The following TOX3 variants were observed in gnomAD, a reference collection of about 807,000 sequenced individuals.
The protein encoded by TOX3 is CAG trinucleotide repeat-containing gene F9 protein.
TOX3 carries 22 observed loss-of-function variants against 64.3 expected under a neutral mutation model. That is an observed-to-expected ratio of 0.34 (90% confidence interval 0.24 to 0.49). The LOEUF is 0.49. Ranked by LOEUF, TOX3 falls within the 20% of genes least tolerant of loss-of-function variation. TOX3 has a pLI of 0.99. For synonymous variants in TOX3, 291 were observed against 273.6 expected (o/e 1.06, Z -0.63); for missense variants, 661 against 714.4 (o/e 0.93, Z 0.85).
intron 1 of TOX3, among the ~76,000 whole-genome samples, chr16:52,503,452 C>T (rs1567339048): frequency 6.6e-6 from 1 of 152,198 alleles, no homozygotes; most frequent in South Asian, 2.1e-4. Context: ...CAATTGCTAT[C>T]AACTTTCTTC....
At chr16:52,513,570 A>C (rs191429928) in intron 1 of TOX3, among the ~76,000 whole-genome samples, 1 of 152,348 alleles carries the variant, frequency 6.6e-6, no homozygotes, top group Admixed American at 6.5e-5. Context: ...ACAATCCTAT[A>C]AGGGCTGAGT....
intron 3 of TOX3, among the ~76,000 whole-genome samples, chr16:52,452,287 T>A (rs1405738574): frequency 6.6e-6 from 1 of 152,184 alleles, no homozygotes; most frequent in East Asian, 1.9e-4. Context: ...GTGACCACAA[T>A]ACAAAAGTAA....
chr16:52,514,424 C>G (rs1962389087), intron 1 of TOX3, among the ~76,000 whole-genome samples: 1 of 152,114 alleles, frequency 6.6e-6, no homozygotes, highest in Non-Finnish European at 1.5e-5. Flanking sequence ...GAGTTTTGAG[C>G]CCAACTGATG....
chr16:52,477,345 G>T (rs972102378), intron 1 of TOX3, among the ~76,000 whole-genome samples: 1 of 152,150 alleles, frequency 6.6e-6, no homozygotes, highest in African/African-American at 2.4e-5. Flanking sequence ...TGTCCACAAA[G>T]GATTTTGTTA....
intron 4 of TOX3, among the ~76,000 whole-genome samples, chr16:52,449,618 A>G (rs1960273104): frequency 6.6e-6 from 1 of 152,280 alleles, no homozygotes; most frequent in South Asian, 2.1e-4. Flanking sequence ...TTGTATCACA[A>G]GAACCAAACA....
At chr16:52,492,295 T>A (rs1961709387) in intron 1 of TOX3, among the ~76,000 whole-genome samples, 1 of 146,670 alleles carries the variant, frequency 6.8e-6, no homozygotes, top group African/African-American at 2.5e-5. Flanking sequence ...GAAAAGATCA[T>A]CTATAAATCT....
intron 1 of TOX3, among the ~76,000 whole-genome samples, chr16:52,472,218 G>T (rs1961069726): frequency 6.6e-6 from 1 of 152,146 alleles, no homozygotes; most frequent in Non-Finnish European, 1.5e-5. Flanking sequence ...TGTACAAGGG[G>T]CTGTGCTAGG....
At chr16:52,451,206 C>T (rs543198171) in intron 3 of TOX3, among the ~76,000 whole-genome samples, 1 of 152,324 alleles carries the variant, frequency 6.6e-6, no homozygotes, top group African/African-American at 2.4e-5. Flanking sequence ...TCAGCGGCAT[C>T]TGGAAGTCAT....
chr16:52,516,101 C>T (rs961049935), intron 1 of TOX3, among the ~76,000 whole-genome samples: 2 of 151,956 alleles, frequency 1.3e-5, no homozygotes, highest in Non-Finnish European at 2.9e-5. Flanking sequence ...TTCATCTGGT[C>T]CAAAGTGTTG....
At chr16:52,486,808 C>T (rs747948782) in intron 1 of TOX3, among the ~76,000 whole-genome samples, 23 of 151,978 alleles carry the variant, frequency 1.5e-4, no homozygotes, top group Admixed American at 5.9e-4. Context: ...TGGTAGTGCG[C>T]GCCTGTAGTC....
chr16:52,452,738 GA>G (rs1173999326), intron 3 of TOX3, among the ~76,000 whole-genome samples: 1 of 151,092 alleles, frequency 6.6e-6, no homozygotes, highest in Non-Finnish European at 1.5e-5. Flanking sequence ...ACTTTAATCA[GA>G]AAAAAAAGGA....
rs1219897578 is a variant in TOX3 at position 52,463,147 on chromosome 16, T to TA, written c.408+786dup. 6.4e-4 allele frequency among the ~76,000 whole-genome samples: 98 copies of TA among 152,078 alleles called. 1 individual carries two copies. Among genetic ancestry groups the TA allele is most frequent in the South Asian group, 4.2e-4 (2 of 4,812 alleles). The stretch of plus-strand genomic sequence containing the variant: ...TCTGTTTCATTTTATCAGGGTTTTT[T>TA]AAAAAAAAGCTCTATAAACTATTAA... On this transcript the variant is annotated intron_variant, in intron 3 of 6. Coordinates refer to ENST00000219746, the MANE Select transcript of TOX3 (RefSeq NM_001080430.4).
intron 1 of TOX3, among the ~76,000 whole-genome samples, chr16:52,502,010 T>C (rs1201194152): frequency 6.6e-6 from 1 of 152,198 alleles, no homozygotes; most frequent in Admixed American, 6.5e-5. Context: ...CAAGTAAAAC[T>C]TGAGCCATGC....
intron 1 of TOX3, among the ~76,000 whole-genome samples, chr16:52,499,223 A>T (rs2151463335): frequency 6.6e-6 from 1 of 152,360 alleles, no homozygotes; most frequent in Admixed American, 6.5e-5. Flanking sequence ...ACAGAAGGGA[A>T]TTAGGTGCTC....
chr16:52,444,384 C>A (rs1486164804), intron 5 of TOX3, 28 bp from the exon 6 acceptor site: 3 of 1,507,032 alleles, frequency 2.0e-6, no homozygotes, highest in Non-Finnish European at 1.8e-6. Context: ...TTAGCACCAC[C>A]TTTAGCGTAT....
chr16:52,528,091 A>G (rs2151482612), intron 1 of TOX3, among the ~76,000 whole-genome samples: 1 of 152,220 alleles, frequency 6.6e-6, no homozygotes, highest in Non-Finnish European at 1.5e-5. Context: ...TCTACTGGTG[A>G]CCCCAGATAG....
intron 1 of TOX3, among the ~76,000 whole-genome samples, chr16:52,505,996 CG>C (rs1057238585): frequency 6.6e-6 from 1 of 151,988 alleles, no homozygotes; most frequent in African/African-American, 2.4e-5. Flanking sequence ...AAGAATTTCT[CG>C]GAAAGTCTTA....
chr16:52,489,368 A>T (rs959220778), intron 1 of TOX3, among the ~76,000 whole-genome samples: 1 of 151,896 alleles, frequency 6.6e-6, no homozygotes, highest in African/African-American at 2.4e-5. Context: ...GCCTCCTACA[A>T]TTTGTCTTCC....
intron 1 of TOX3, among the ~76,000 whole-genome samples, chr16:52,507,618 CAAAT>C (rs1026161648): frequency 3.9e-5 from 6 of 152,040 alleles, no homozygotes; most frequent in African/African-American, 1.4e-4. Flanking sequence ...AAATAAGTCA[CAAAT>C]AAGCAATATT....
Sources: gnomAD v4.1 joint callset for allele counts (sites outside exome capture counted in the v4.1 genomes callset) on GRCh38, gnomAD v4.1.1 for gene constraint, MANE v1.5 for transcripts, NCBI Gene and HGNC (gene_info 2026-07-23, HGNC 2026-07-21) for gene names.